Variants in LMNB2 observed in about 807,000 individuals in gnomAD.
The protein encoded by LMNB2 is lamin B2.
LMNB2 carries 17 observed loss-of-function variants against 69.3 expected under a neutral mutation model. That is an observed-to-expected ratio of 0.25 (90% CI 0.17 to 0.37). LMNB2 has a LOEUF of 0.37. Ranked by LOEUF, LMNB2 falls within the 10% of genes least tolerant of loss-of-function variation. The pLI is 1.00. For synonymous variants in LMNB2, 397 were observed against 389.3 expected, an observed-to-expected ratio of 1.02 and a Z score of -0.23; for missense variants, 789 against 883.6, an observed-to-expected ratio of 0.89 and a Z score of 1.36.
intron 3 of LMNB2, 36 bp from the exon 4 acceptor site, chr19:2,438,324 CTG>C: frequency 6.2e-7 from 1 of 1,613,774 alleles, no homozygotes; most frequent in Non-Finnish European, 8.5e-7. Flanking sequence ...GTGTGACAAT[CTG>C]TCTGTTGCAT....
rs1417192200 is a variant in LMNB2, at chr19:2,447,538, G to A, written c.265-2998C>T. On this transcript the variant is annotated intron_variant, in intron 1 of 11. Transcript: ENST00000325327. The surrounding 1 kb of genome is among the most constrained non-coding windows in gnomAD (Gnocchi z 4.4). ...ATATGAAAACGCGAAACCTACGGGT[G>A]AGCTGGGTGAACCTTATGAGGCGGG... is the stretch of plus-strand genomic sequence containing the variant. Among the ~76,000 whole-genome samples the A allele has an allele frequency of 6.6e-6, 1 of 152,216 alleles. No homozygotes were observed. Among genetic ancestry groups the A allele is most frequent in the Admixed American group, 6.5e-5 (1 of 15,286 alleles).
At chr19:2,435,456 G>A (rs1971811191) in intron 4 of LMNB2, among the ~76,000 whole-genome samples, 2 of 152,174 alleles carry the variant, frequency 1.3e-5, no homozygotes, top group Admixed American at 6.5e-5. Context: ...AAGGCCACAC[G>A]GTGCGTGATC....
At chr19:2,432,805 A>G (rs879557879) in intron 8 of LMNB2, among the ~76,000 whole-genome samples, 688 of 84,946 alleles carry the variant, frequency 8.1e-3, no homozygotes, top group Middle Eastern at 0.025. Context: ...ATTGGCCGGC[A>G]GCCCCGTCAC....
Position 2,456,664 on chromosome 19 carries a change from G to A in LMNB2, c.264+6C>T. 2.6e-6 allele frequency: 4 copies of A among 1,520,154 alleles called. No individual in the cohort carries two copies. Among genetic ancestry groups the A allele is most frequent in the East Asian group, 2.8e-5 (1 of 36,022 alleles). 94.2% of individuals were successfully genotyped at this position (1,520,154 alleles called of 1,614,324 possible). ...CCCCGCCCGGCCCCTAAGCCCCGGC[G>A]CCCACCTCGCGCGTGGTCACCTCCT... On this transcript the variant is annotated splice_donor_region_variant and intron_variant, in intron 1 of 11. Transcript: ENST00000325327.
In LMNB2 at chr19:2,456,660, C is replaced by T. The variant is rs1410826134; in HGVS notation, c.264+10G>A. On this transcript the variant is annotated intron_variant, in intron 1 of 11. Coordinates refer to ENST00000325327, the MANE Select transcript of LMNB2 (RefSeq NM_032737.4). ...GCACCCCCGCCCGGCCCCTAAGCCC[C>T]GGCGCCCACCTCGCGCGTGGTCACC... 1 of 1,514,462 alleles carries T rather than the reference C, an allele frequency of 6.6e-7. No homozygotes were observed. The highest frequency in any genetic ancestry group is 1.4e-5 in the African/African-American group (1 of 69,082). The allele number at this position is 1,514,462 out of a possible 1,614,324, so 93.8% of individuals were successfully genotyped here. A position where few individuals can be genotyped will look rare whatever the true frequency, so the allele number is the denominator to read the frequency against.
In LMNB2 at chr19:2,456,723, T is replaced by A; in HGVS notation, c.211A>T (p.Asn71Tyr). ...GAGATCTTGAGCAGGAGCCGGTCGT[T>A]CTCCAGCTCCAGCGCGCGGACGCGG... Reference protein sequence around the residue: ...IDRVRALELENDRLLLKISEK... With the variant: ...IDRVRALELEYDRLLLKISEK... The change falls in exon 1 of 12, where the codon AAC becomes TAC. Residue 71 changes from asparagine to tyrosine, a missense_variant. Asn to Tyr is a moderately radical substitution (Grantham distance 143). Around this residue, in one of 3 missense-constraint regions of LMNB2, gnomAD observed 145 missense variants for 228.9 expected, o/e 0.63. Coordinates refer to ENST00000325327, the MANE Select transcript of LMNB2 (RefSeq NM_032737.4). The A allele has an allele frequency of 6.4e-7, 1 of 1,564,936 alleles. No homozygotes were observed. The highest frequency in any genetic ancestry group is 8.7e-7 in the Non-Finnish European group (1 of 1,156,052).
At chr19:2,454,496 AC>A (rs1317975276) in intron 1 of LMNB2, among the ~76,000 whole-genome samples, 4 of 151,910 alleles carry the variant, frequency 2.6e-5, no homozygotes, top group African/African-American at 9.7e-5. Flanking sequence ...TTATAATTAC[AC>A]CCATTCCAAA....
Position 2,430,698 on chromosome 19 carries a change from T to C in LMNB2, c.*213A>G. 1.6e-6 allele frequency: 1 copy of C among 637,496 alleles called. No individual in the cohort carries two copies. The highest frequency in any genetic ancestry group is 2.2e-5 in the Admixed American group (1 of 45,882). The allele number at this position is 637,496 out of a possible 1,614,324, so 39.5% of individuals were successfully genotyped here. On this transcript the variant is annotated 3_prime_UTR_variant, in exon 12 of 12. Coordinates refer to ENST00000325327, the MANE Select transcript of LMNB2 (RefSeq NM_032737.4). The stretch of plus-strand genomic sequence containing the variant: ...TGGTGAGATGAGGAGTGGGGTGGGA[T>C]TGAAAAGTCTCCGGGGCAGCGGCGA...
chr19:2,455,539 C>T (rs1972077314), intron 1 of LMNB2, among the ~76,000 whole-genome samples: 1 of 152,126 alleles, frequency 6.6e-6, no homozygotes, highest in African/African-American at 2.4e-5. Flanking sequence ...GTCTGTAACC[C>T]CCATGGCCCC....
chr19:2,446,392 C>T (rs1446436143), intron 1 of LMNB2, among the ~76,000 whole-genome samples: 5 of 152,022 alleles, frequency 3.3e-5, no homozygotes, highest in African/African-American at 9.7e-5. Flanking sequence ...CCGCCCCTCT[C>T]GAGGGCCTCC....
At chr19:2,446,221 G>A (rs576736517) in intron 1 of LMNB2, among the ~76,000 whole-genome samples, 67 of 136,696 alleles carry the variant, frequency 4.9e-4, no homozygotes, top group Non-Finnish European at 8.1e-4. Context: ...CCCCACCAGC[G>A]GCCCCCACCT....
At chr19:2,439,853 C>A (rs933078202) in intron 2 of LMNB2, among the ~76,000 whole-genome samples, 2 of 151,888 alleles carry the variant, frequency 1.3e-5, no homozygotes, top group East Asian at 3.9e-4. Context: ...CCTGCCTCAG[C>A]CTCCTGTGTA....
chr19:2,435,270 A>G, intron 4 of LMNB2, 99 bp from the exon 5 acceptor site: 1 of 1,489,744 alleles, frequency 6.7e-7, no homozygotes, highest in Non-Finnish European at 9.1e-7. Flanking sequence ...CCTCCAGGCA[A>G]TTCCTGGTTC....
In LMNB2 at chr19:2,456,892, C is replaced by A; in HGVS notation, c.42G>T (p.Arg14Ser). 9.5e-7 allele frequency: 1 copy of A among 1,054,194 alleles called. No individual in the cohort carries two copies. The allele number at this position is 1,054,194 out of a possible 1,614,324, so 65.3% of individuals were successfully genotyped here. ...PSPGRRREQR[R>S]PRAAATMATP... ...TGGCCATGGTGGCGGCGGCTCGCGGCCTGCGCTGCTCCCGACGGCGGCCCG... is the reference window on the plus strand; with the variant it reads ...TGGCCATGGTGGCGGCGGCTCGCGGACTGCGCTGCTCCCGACGGCGGCCCG... Residue 14 changes from arginine (R) to serine (S), a missense_variant, in exon 1 of 12, where the codon AGG becomes AGT. Physicochemically the swap from Arg to Ser is moderately radical, Grantham distance 110. Transcript: ENST00000325327.
At chr19:2,449,358 A>G (rs1971994161) in intron 1 of LMNB2, among the ~76,000 whole-genome samples, 2 of 152,332 alleles carry the variant, frequency 1.3e-5, no homozygotes, top group African/African-American at 4.8e-5. Flanking sequence ...GCACTCTACC[A>G]TGCCCACACA....
In LMNB2 at chr19:2,434,098, G is replaced by C; in HGVS notation, c.1210C>G (p.Leu404Val). The C allele has an allele frequency of 6.3e-7, 1 of 1,585,178 alleles. No individual in the cohort carries two copies. The highest frequency in any genetic ancestry group is 8.6e-7 in the Non-Finnish European group (1 of 1,167,626). ...LLEGEEERLK[L>V]SPSPSSRVTV... ...ACGCGCGAGGATGGGCTGGGGGACA[G>C]CTTCAGCCTGTGGGGAAGGCAAGGA... is the stretch of plus-strand genomic sequence containing the variant. Residue 404 changes from leucine (L) to valine (V), a missense_variant, in exon 8 of 12, where the codon CTG becomes GTG. Transcript: ENST00000325327.
chr19:2,434,180 C>G lies in LMNB2; in HGVS notation c.1203-75G>C. 4 of 1,539,210 alleles carry G rather than the reference C, an allele frequency of 2.6e-6. No homozygotes were observed. In the South Asian group the frequency reaches 4.7e-5, roughly 18 times the overall value. ...CCCAGGGCACGCAGAGTGGCGGCCA[C>G]GGCCCGGCCCCACCTCCACCCCTGC... On this transcript the variant is annotated intron_variant, in intron 7 of 11. Coordinates refer to ENST00000325327, the MANE Select transcript of LMNB2 (RefSeq NM_032737.4).
In LMNB2 at chr19:2,430,746, AGGAGACCCGCCAGGAGGGAGGGCTGGG is replaced by A. The variant is rs751251480; in HGVS notation, c.*138_*164del. ...CGAAGTGGCAGCGAAGTGAGGCTGG[AGGAGACCCGCCAGGAGGGAGGGCTGGG>A]GGAGACCCACCCACACGTTCTGGCA... On this transcript the variant is annotated 3_prime_UTR_variant, in exon 12 of 12. Transcript: ENST00000325327. 1,463 of 707,996 alleles carry A rather than the reference AGGAGACCCGCCAGGAGGGAGGGCTGGG, an allele frequency of 2.1e-3. 7 individuals carry two copies. Among genetic ancestry groups the A allele is most frequent in the Non-Finnish European group, 1.6e-3 (628 of 381,064 alleles). The allele number at this position is 707,996 out of a possible 1,614,324, so 43.9% of individuals were successfully genotyped here.
intron 8 of LMNB2, among the ~76,000 whole-genome samples, chr19:2,432,759 C>A (rs1407783900): frequency 6.6e-6 from 1 of 150,498 alleles, no homozygotes; most frequent in East Asian, 2.0e-4. Flanking sequence ...TACCCCTGTG[C>A]CCCGGTCTTT....
Sources: allele counts gnomAD v4.1 joint callset (sites outside exome capture counted in the v4.1 genomes callset), GRCh38; gene constraint gnomAD v4.1.1; regional missense constraint gnomAD v4.1.1; non-coding constraint Gnocchi (gnomAD v3.1); transcripts MANE v1.5; gene names NCBI Gene and HGNC (gene_info 2026-07-23, HGNC 2026-07-21).